CYTH3: variants seen among roughly 807,000 people sequenced by gnomAD.
CYTH3 encodes cytohesin-3.
CYTH3 carries 23 observed loss-of-function variants against 55.1 expected under a neutral mutation model. The observed-to-expected ratio is 0.42, with a 90% CI of 0.30 to 0.59. The LOEUF is 0.59. Ranked by LOEUF, CYTH3 falls within the 20% of genes least tolerant of loss-of-function variation. CYTH3 has a pLI of 0.20. For synonymous variants in CYTH3, 249 were observed against 194.9 expected (o/e 1.28, Z -2.31); for missense variants, 413 against 524.8 (o/e 0.79, Z 2.08).
At chr7:6,228,825 T>C (rs969920790) in intron 1 of CYTH3, among the ~76,000 whole-genome samples, 1 of 152,250 alleles carries the variant, frequency 6.6e-6, no homozygotes, top group African/African-American at 2.4e-5. Flanking sequence ...CCACTTAATC[T>C]TATCTTCTTT....
rs1264194234 is a variant in CYTH3, at chr7:6,170,340, G to T, written c.823+195C>A. On this transcript the variant is annotated intron_variant, in intron 9 of 12. Coordinates refer to ENST00000350796, the MANE Select transcript of CYTH3 (RefSeq NM_004227.4). This position sits in a 1 kb window ranked among gnomAD's most constrained non-coding sequence, Gnocchi z 7.8. Reference sequence around the variant, plus strand: ...GGGCGCTACTCTCTGCCGCGGGCATGGCTCTGAGGCCCCGGCTCGGAGAAG... The same window carrying T: ...GGGCGCTACTCTCTGCCGCGGGCATTGCTCTGAGGCCCCGGCTCGGAGAAG... The T allele has an allele frequency of 6.8e-6, 4 of 591,388 alleles. No individual in the cohort carries two copies. The African/African-American group carries it at 7.5e-5, about 11-fold the overall frequency. 36.6% of individuals were successfully genotyped at this position (591,388 alleles called of 1,614,324 possible). A position where few individuals can be genotyped will look rare whatever the true frequency, so the allele number is the denominator to read the frequency against.
chr7:6,208,003 G>C (rs576477892), intron 1 of CYTH3, among the ~76,000 whole-genome samples: 1 of 152,196 alleles, frequency 6.6e-6, no homozygotes, highest in East Asian at 1.9e-4. Context: ...ATTAATAACT[G>C]TTCTATAGGA....
chr7:6,264,822 A>C (rs1054109704), intron 1 of CYTH3, among the ~76,000 whole-genome samples: 4 of 152,252 alleles, frequency 2.6e-5, no homozygotes, highest in Non-Finnish European at 5.9e-5. Context: ...AACTGGATAA[A>C]AGCAGAAAAT....
chr7:6,236,359 CCTGA>C (rs1373343449), intron 1 of CYTH3, among the ~76,000 whole-genome samples: 1 of 113,766 alleles, frequency 8.8e-6, no homozygotes, highest in Non-Finnish European at 1.8e-5. Context: ...GCACACTACG[CCTGA>C]CTTTTTTTTT....
chr7:6,254,262 G>C (rs917832851), intron 1 of CYTH3, among the ~76,000 whole-genome samples: 1 of 151,844 alleles, frequency 6.6e-6, no homozygotes, highest in African/African-American at 2.4e-5. Context: ...TTAGAGCCTA[G>C]ATAGGTTTAA....
intron 4 of CYTH3, among the ~76,000 whole-genome samples, chr7:6,179,970 G>A (rs1198277079): frequency 6.7e-6 from 1 of 149,518 alleles, no homozygotes; most frequent in Non-Finnish European, 1.5e-5. Flanking sequence ...CTGGTCCTTC[G>A]AGAGGCCTAA....
At chr7:6,258,925 C>A (rs1780205052) in intron 1 of CYTH3, among the ~76,000 whole-genome samples, 1 of 152,140 alleles carries the variant, frequency 6.6e-6, no homozygotes, top group Non-Finnish European at 1.5e-5. Context: ...ATAATAAATG[C>A]AACCCAGATG....
chr7:6,228,499 G>A (rs1164177183), intron 1 of CYTH3, among the ~76,000 whole-genome samples: 1 of 152,194 alleles, frequency 6.6e-6, no homozygotes, highest in African/African-American at 2.4e-5. Flanking sequence ...GTAGGATTCA[G>A]GGGTCAGGCC....
intron 4 of CYTH3, among the ~76,000 whole-genome samples, chr7:6,185,931 G>T (rs1490496449): frequency 6.6e-5 from 10 of 151,968 alleles, no homozygotes; most frequent in African/African-American, 2.4e-4. Context: ...TGCCAGAAAA[G>T]CAAGGGGAAC....
rs768134617 is a variant in CYTH3, at chr7:6,181,879, G to GA, written c.250-3939dup. ...TCTCCATATGCTCAAGTGATGATGT[G>GA]ACACACACTCCTAGTTTTCATTTCC... On this transcript the variant is annotated intron_variant, in intron 4 of 12. Transcript: ENST00000350796. Among the ~76,000 whole-genome samples, 7 of 152,158 alleles carry GA rather than the reference G, an allele frequency of 4.6e-5. No individual in the cohort carries two copies. In the South Asian group the frequency reaches 8.3e-4, roughly 18 times the overall value.
Position 6,167,660 on chromosome 7 carries a change from C to T in CYTH3, c.824-1850G>A, listed in dbSNP as rs997338480. On this transcript the variant is annotated intron_variant, in intron 9 of 12. Transcript: ENST00000350796. This position sits in a 1 kb window ranked among gnomAD's most constrained non-coding sequence, Gnocchi z 5.5. Reference sequence around the variant, plus strand: ...TCCTTGGGCGGCAGCAGGGGCTGCCCTTCCTGGCTCCCCAGCTGTGGCCTT... The same window carrying T: ...TCCTTGGGCGGCAGCAGGGGCTGCCTTTCCTGGCTCCCCAGCTGTGGCCTT... Among the ~76,000 whole-genome samples, 14 of 152,274 alleles carry T rather than the reference C, an allele frequency of 9.2e-5. No individual in the cohort carries two copies. The highest frequency in any genetic ancestry group is 1.6e-4 in the Non-Finnish European group (11 of 68,048).
chr7:6,233,867 G>A (rs778153648), intron 1 of CYTH3, among the ~76,000 whole-genome samples: 3 of 151,978 alleles, frequency 2.0e-5, no homozygotes, highest in Admixed American at 6.6e-5. Context: ...TCCAGGTGCC[G>A]GCGGATTCAG....
At chr7:6,225,598 C>T (rs1405307799) in intron 1 of CYTH3, among the ~76,000 whole-genome samples, 1 of 152,006 alleles carries the variant, frequency 6.6e-6, no homozygotes, top group Non-Finnish European at 1.5e-5. Flanking sequence ...TCAGGTGATC[C>T]ACCCACCTTG....
rs867465759 is a variant in CYTH3 at position 6,244,844 on chromosome 7, G to A, written c.34+27630C>T. On this transcript the variant is annotated intron_variant, in intron 1 of 12. Transcript: ENST00000350796. Reference sequence around the variant, plus strand: ...TGCTCTGTCACCCAGGCTGGAGTGCGGTGGTGCAATCTCGGCTCACTGCAA... The same window carrying A: ...TGCTCTGTCACCCAGGCTGGAGTGCAGTGGTGCAATCTCGGCTCACTGCAA... 8.0e-5 allele frequency among the ~76,000 whole-genome samples: 12 copies of A among 149,170 alleles called. No homozygotes were observed. The South Asian group carries it at 1.3e-3, about 16-fold the overall frequency.
chr7:6,211,455 T>C (rs1366334756), intron 1 of CYTH3, among the ~76,000 whole-genome samples: 2 of 152,216 alleles, frequency 1.3e-5, no homozygotes, highest in African/African-American at 4.8e-5. Flanking sequence ...GCTTTGCTTT[T>C]CTCATTTCAA....
chr7:6,225,355 T>A lies in CYTH3; in HGVS notation c.35-34824A>T, dbSNP rs866906692. Among the ~76,000 whole-genome samples the A allele has an allele frequency of 9.9e-4, 139 of 139,970 alleles. 1 individual carries two copies. The highest frequency in any genetic ancestry group is 7.8e-3 in the Middle Eastern group (2 of 258). 91.8% of individuals were successfully genotyped at this position (139,970 alleles called of 152,430 possible). On this transcript the variant is annotated intron_variant, in intron 1 of 12. Coordinates refer to ENST00000350796, the MANE Select transcript of CYTH3 (RefSeq NM_004227.4). ...CTACATTAAGATGAAGGAAAAAAAA[T>A]TTTTTTTTTTTTTTTGAGACAGAGT...
intron 1 of CYTH3, among the ~76,000 whole-genome samples, chr7:6,223,845 A>T (rs1233441374): frequency 1.3e-5 from 2 of 148,712 alleles, no homozygotes; most frequent in African/African-American, 4.9e-5. Flanking sequence ...CTAAAAAAAA[A>T]AAAAAAAAAA....
In CYTH3 at chr7:6,165,605, G is replaced by A; in HGVS notation, c.912C>T (p.Pro304=). 1 of 1,614,044 alleles carries A rather than the reference G, an allele frequency of 6.2e-7. No homozygotes were observed. Among genetic ancestry groups the A allele is most frequent in the East Asian group, 2.2e-5 (1 of 44,866 alleles). The change falls in exon 11 of 13, where the codon CCC becomes CCT. Residue 304 remains proline, a synonymous_variant. Coordinates refer to ENST00000350796, the MANE Select transcript of CYTH3 (RefSeq NM_004227.4). ...GGTTTTCCAACGGGATGATTCCCCT[G>A]GGCTCCTTATCCTACAAGAGGAAAG... The part of the protein sequence containing the change: ...YYFEYTTDKE[P]RGIIPLENLS...
chr7:6,216,138 T>C (rs1784418535), intron 1 of CYTH3, among the ~76,000 whole-genome samples: 1 of 152,176 alleles, frequency 6.6e-6, no homozygotes, highest in Admixed American at 6.5e-5. Context: ...TATGTGTAAG[T>C]ATAAAAAACT....
Sources: allele counts gnomAD v4.1 joint callset (sites outside exome capture counted in the v4.1 genomes callset), GRCh38; gene constraint gnomAD v4.1.1; non-coding constraint Gnocchi (gnomAD v3.1); transcripts MANE v1.5; gene names NCBI Gene and HGNC (gene_info 2026-07-23, HGNC 2026-07-21).